The following ADGRL3 variants were observed in gnomAD, a reference collection of about 807,000 sequenced individuals.
The protein encoded by ADGRL3 is calcium-independent alpha-latrotoxin receptor 3.
ADGRL3 carries 62 observed loss-of-function variants against 153.5 expected under a neutral mutation model. The observed-to-expected ratio is 0.40, with a 90% CI of 0.33 to 0.50. The LOEUF (loss-of-function observed/expected upper bound fraction) is 0.50, where lower values mean the gene tolerates loss of function less well. Ranked by LOEUF, ADGRL3 falls within the 20% of genes least tolerant of loss-of-function variation. The pLI is 0.47. For missense variants in ADGRL3, 1,641 were observed against 1,859.4 expected (o/e 0.88, Z 2.16); for synonymous variants, 710 against 672.5 (o/e 1.06, Z -0.86).
At chr4:61,810,907 A>G (rs927021603) in intron 8 of ADGRL3, among the ~76,000 whole-genome samples, 4 of 152,078 alleles carry the variant, frequency 2.6e-5, no homozygotes, top group Admixed American at 2.0e-4. Context: ...CCCAGATTTT[A>G]TAGTCATCAT....
In ADGRL3 at chr4:62,070,852, G is replaced by T. The variant is rs2151935689; in HGVS notation, c.4576G>T (p.Gly1526Trp). ...DGFIVPPNKD[G>W]TPPEGSSKGP... ...ATTTATAGTTCCTCCAAACAAAGAT[G>T]GGACCCCTCCCGAGGGAAGTTCAAA... The change falls in exon 27 of 27, where the codon GGG (glycine) becomes TGG (tryptophan). Residue 1526 changes from glycine (G) to tryptophan (W), a missense_variant. Physicochemically the swap from Gly to Trp is radical, Grantham distance 184 (BLOSUM62 -2). Transcript: ENST00000683033. 1 of 1,551,618 alleles carries T rather than the reference G, an allele frequency of 6.4e-7. No individual in the cohort carries two copies. Among genetic ancestry groups the T allele is most frequent in the East Asian group, 2.4e-5 (1 of 40,894 alleles).
At chr4:61,861,550 G>A (rs1216304327) in intron 9 of ADGRL3, among the ~76,000 whole-genome samples, 1 of 151,972 alleles carries the variant, frequency 6.6e-6, no homozygotes, top group Non-Finnish European at 1.5e-5. Context: ...GTGATTATCT[G>A]TTGGTGCACA....
At chr4:61,306,546 T>G (rs2094796936) in intron 1 of ADGRL3, among the ~76,000 whole-genome samples, 1 of 152,202 alleles carries the variant, frequency 6.6e-6, no homozygotes, top group South Asian at 2.1e-4. Flanking sequence ...GGCTACTAAT[T>G]CAAATTTTTG....
intron 9 of ADGRL3, among the ~76,000 whole-genome samples, chr4:61,871,141 G>T (rs973801469): frequency 6.6e-6 from 1 of 152,052 alleles, no homozygotes; most frequent in Non-Finnish European, 1.5e-5. Flanking sequence ...AGCCAGGTGT[G>T]GTGGCGAGTG....
At chr4:61,284,617 T>C (rs1229190870) in intron 1 of ADGRL3, among the ~76,000 whole-genome samples, 12 of 151,754 alleles carry the variant, frequency 7.9e-5, no homozygotes. Context: ...ATGTAGAGAG[T>C]TTTTTATTAC....
At chr4:61,782,865 T>G (rs931858243) in intron 8 of ADGRL3, among the ~76,000 whole-genome samples, 8 of 152,136 alleles carry the variant, frequency 5.3e-5, no homozygotes, top group African/African-American at 1.9e-4. Flanking sequence ...TCAGTCTGCT[T>G]CATTTTAGAG....
intron 6 of ADGRL3, among the ~76,000 whole-genome samples, chr4:61,708,136 C>T (rs374469533): frequency 6.6e-6 from 1 of 152,000 alleles, no homozygotes; most frequent in East Asian, 1.9e-4. Flanking sequence ...TTGTTTAGTA[C>T]TGCAAATATT....
intron 25 of ADGRL3, among the ~76,000 whole-genome samples, chr4:62,064,007 T>G (rs1171942316): frequency 6.6e-6 from 1 of 152,238 alleles, no homozygotes; most frequent in Non-Finnish European, 1.5e-5. Context: ...CTTGATTCAA[T>G]AGTCTTAATA....
In ADGRL3 at chr4:61,402,161, A is replaced by G. The variant is rs115793221; in HGVS notation, c.-174+18972A>G. 2.2e-3 allele frequency among the ~76,000 whole-genome samples: 340 copies of G among 152,208 alleles called. 2 individuals are homozygous for G. The highest frequency in any genetic ancestry group is 7.7e-3 in the African/African-American group (320 of 41,560). On this transcript the variant is annotated intron_variant, in intron 2 of 26. Transcript: ENST00000683033. ...CAACATGTAAAAAACTTAGCTTGAA[A>G]GATTTACAAAAACAAGCAGTGTGGC...
At chr4:62,037,381 C>T (rs1725640997) in intron 23 of ADGRL3, among the ~76,000 whole-genome samples, 1 of 152,002 alleles carries the variant, frequency 6.6e-6, no homozygotes, top group African/African-American at 2.4e-5. Flanking sequence ...CACCAACAGG[C>T]TACTTTATAT....
intron 19 of ADGRL3, among the ~76,000 whole-genome samples, chr4:61,988,555 T>C (rs575221603): frequency 4.3e-4 from 66 of 152,302 alleles, no homozygotes; most frequent in African/African-American, 1.5e-3. Flanking sequence ...GGAAATTCAG[T>C]GCTAAATACT....
chr4:61,467,703 A>G (rs898883784), intron 2 of ADGRL3, among the ~76,000 whole-genome samples: 3 of 152,156 alleles, frequency 2.0e-5, no homozygotes, highest in African/African-American at 4.8e-5. Flanking sequence ...ATACCTTATT[A>G]TCCTGTTTGT....
chr4:61,436,706 T>G (rs10517536), intron 2 of ADGRL3, among the ~76,000 whole-genome samples: 141,817 of 152,118 alleles, frequency 0.93, 66,940 homozygotes, highest in East Asian at 1. Context: ...GGTCCCTAAC[T>G]TGAAAATACA....
At chr4:61,612,035 A>G (rs1158925286) in intron 5 of ADGRL3, among the ~76,000 whole-genome samples, 1 of 152,088 alleles carries the variant, frequency 6.6e-6, no homozygotes, top group African/African-American at 2.4e-5. Flanking sequence ...TAAAAATGGA[A>G]ATTTGGTCAT....
chr4:62,015,994 T>TA (rs1268073140), intron 21 of ADGRL3, among the ~76,000 whole-genome samples: 1 of 152,022 alleles, frequency 6.6e-6, no homozygotes, highest in African/African-American at 2.4e-5. Context: ...ACTAAGAATT[T>TA]AAAATTTTAT....
intron 8 of ADGRL3, among the ~76,000 whole-genome samples, chr4:61,751,659 G>A (rs1331471594): frequency 6.6e-6 from 1 of 152,198 alleles, no homozygotes; most frequent in Non-Finnish European, 1.5e-5. Context: ...AGATTAGTTA[G>A]AAACTTTTGC....
rs552017281 is a variant in ADGRL3, at chr4:61,207,728, A to G, written c.-240+5963A>G. On this transcript the variant is annotated intron_variant, in intron 1 of 26. Transcript: ENST00000683033. ...AGCACCTATTGTTTTCTGACTTTTT[A>G]ATGATCACCATTCTAACTGTCATGA... Among the ~76,000 whole-genome samples, 235 of 152,254 alleles carry G rather than the reference A, an allele frequency of 1.5e-3. 1 individual carries two copies. Among genetic ancestry groups the G allele is most frequent in the Middle Eastern group, 3.4e-3 (1 of 294 alleles).
At chr4:61,347,382 C>A (rs72614737) in intron 1 of ADGRL3, among the ~76,000 whole-genome samples, 17,681 of 151,606 alleles carry the variant, frequency 0.12, 1,273 homozygotes, top group South Asian at 0.2. Context: ...AGGTATCATT[C>A]GATGCATTAT....
Position 61,606,288 on chromosome 4 carries a change from G to A in ADGRL3, c.473+18848G>A, listed in dbSNP as rs185707042. On this transcript the variant is annotated intron_variant, in intron 5 of 26. Coordinates refer to ENST00000683033, the MANE Select transcript of ADGRL3 (RefSeq NM_001387552.1). ...GTAATGATGAGGTATCTACAGACAA[G>A]GCAAAATAATAGCTTGCTTATTATG... Among the ~76,000 whole-genome samples, 223 of 152,282 alleles carry A rather than the reference G, an allele frequency of 1.5e-3. 1 individual carries two copies. Among genetic ancestry groups the A allele is most frequent in the African/African-American group, 5.2e-3 (217 of 41,558 alleles).
Sources: allele counts gnomAD v4.1 joint callset (sites outside exome capture counted in the v4.1 genomes callset), GRCh38; gene constraint gnomAD v4.1.1; transcripts MANE v1.5; gene names NCBI Gene and HGNC (gene_info 2026-07-23, HGNC 2026-07-21).